Variants in PTPRD observed in about 807,000 individuals in gnomAD.
PTPRD encodes the protein receptor-type tyrosine-protein phosphatase delta.
In PTPRD, 34 loss-of-function variants were observed where a neutral mutation model predicts 214.5. That is an observed-to-expected ratio of 0.16 (90% confidence interval 0.12 to 0.21). The LOEUF (loss-of-function observed/expected upper bound fraction) is 0.21, where lower values mean the gene tolerates loss of function less well. Ranked by LOEUF, PTPRD falls within the 10% of genes least tolerant of loss-of-function variation. The pLI is 1.00. For missense variants in PTPRD, 2,545 were observed against 2,398.7 expected (o/e 1.06, Z -1.27); for synonymous variants, 1,128 against 845.7 (o/e 1.33, Z -5.79).
chr9:8,657,721 C>G (rs545797275), intron 12 of PTPRD, among the ~76,000 whole-genome samples: 49 of 152,154 alleles, frequency 3.2e-4, no homozygotes, highest in Middle Eastern at 3.4e-3. Context: ...TGCCTATGTC[C>G]TGAATGGTAC....
intron 2 of PTPRD, among the ~76,000 whole-genome samples, chr9:10,369,500 C>T (rs1381635971): frequency 2.0e-5 from 3 of 151,826 alleles, no homozygotes; most frequent in Non-Finnish European, 2.9e-5. Flanking sequence ...ATAGCAAGTA[C>T]CTAAACACAA....
intron 2 of PTPRD, among the ~76,000 whole-genome samples, chr9:10,377,803 T>C (rs112505772): frequency 0.019 from 2,965 of 152,178 alleles, 103 homozygotes; most frequent in African/African-American, 0.068. Context: ...CTTTATCCAT[T>C]CATCTACTGA....
At chr9:8,824,054 CA>C (rs2097128990) in intron 11 of PTPRD, among the ~76,000 whole-genome samples, 1 of 152,146 alleles carries the variant, frequency 6.6e-6, no homozygotes, top group South Asian at 2.1e-4. Flanking sequence ...TGAAGACAAC[CA>C]GAGGTCACTC....
chr9:9,894,832 GTC>G (rs1410489915), intron 5 of PTPRD, among the ~76,000 whole-genome samples: 1 of 151,922 alleles, frequency 6.6e-6, no homozygotes, highest in Non-Finnish European at 1.5e-5. Flanking sequence ...TGAATAAAAT[GTC>G]TGTTTTTTTT....
intron 5 of PTPRD, among the ~76,000 whole-genome samples, chr9:9,779,828 A>T (rs1203849151): frequency 6.6e-6 from 1 of 152,206 alleles, no homozygotes; most frequent in Non-Finnish European, 1.5e-5. Flanking sequence ...TAGTTCAGCC[A>T]CTTGGGGAAA....
chr9:9,200,452 CTTG>C (rs2099941215), intron 9 of PTPRD, among the ~76,000 whole-genome samples: 1 of 152,196 alleles, frequency 6.6e-6, no homozygotes, highest in Non-Finnish European at 1.5e-5. Context: ...ACAGTTTACA[CTTG>C]TTGGCTTCAC....
intron 2 of PTPRD, among the ~76,000 whole-genome samples, chr9:10,432,129 C>A (rs2098686113): frequency 6.6e-6 from 1 of 151,802 alleles, no homozygotes; most frequent in Non-Finnish European, 1.5e-5. Flanking sequence ...AGTTCATGTC[C>A]TTTGTAGGGA....
intron 7 of PTPRD, among the ~76,000 whole-genome samples, chr9:9,621,828 T>C (rs1320693161): frequency 6.6e-6 from 1 of 152,180 alleles, no homozygotes; most frequent in Non-Finnish European, 1.5e-5. Flanking sequence ...ACACGGAGTG[T>C]GCTGCCTGTG....
At chr9:10,047,755 G>T (rs953681318) in intron 3 of PTPRD, among the ~76,000 whole-genome samples, 10 of 152,178 alleles carry the variant, frequency 6.6e-5, no homozygotes, top group Admixed American at 5.2e-4. Flanking sequence ...TGAAAAATCA[G>T]GTGGGTGACC....
chr9:9,084,535 C>T (rs547737805), intron 10 of PTPRD, among the ~76,000 whole-genome samples: 2 of 152,076 alleles, frequency 1.3e-5, no homozygotes, highest in African/African-American at 4.8e-5. Flanking sequence ...ACATGTATCC[C>T]AGAATTAAAG....
At chr9:9,691,141 G>A (rs2097263268) in intron 7 of PTPRD, among the ~76,000 whole-genome samples, 1 of 151,692 alleles carries the variant, frequency 6.6e-6, no homozygotes, top group Non-Finnish European at 1.5e-5. Flanking sequence ...TATCCTTTGT[G>A]TTTTAAACAA....
At chr9:8,325,920 G>C (rs935011840) in intron 44 of PTPRD, among the ~76,000 whole-genome samples, 3 of 152,144 alleles carry the variant, frequency 2.0e-5, no homozygotes, top group African/African-American at 4.8e-5. Context: ...CATTGATTTT[G>C]TATCCTGAGA....
chr9:8,959,951 A>G (rs1318201235), intron 11 of PTPRD, among the ~76,000 whole-genome samples: 2 of 152,064 alleles, frequency 1.3e-5, no homozygotes, highest in Non-Finnish European at 2.9e-5. Context: ...CAAGTGTACA[A>G]CATCATCTTT....
At chr9:10,212,362 TATA>T (rs2099521400) in intron 3 of PTPRD, among the ~76,000 whole-genome samples, 1 of 152,154 alleles carries the variant, frequency 6.6e-6, no homozygotes, top group African/African-American at 2.4e-5. Context: ...AAAAGTCTTA[TATA>T]ATAAGTAAAT....
In PTPRD at chr9:8,928,335, G is replaced by A. The variant is rs567632354; in HGVS notation, c.-104+90362C>T. ...TTCTTCTAGGGTTTTTATGGTTTTA[G>A]GTCTAACATTTAAGTCTTTAATCCA... On this transcript the variant is annotated intron_variant, in intron 11 of 45. Transcript: ENST00000381196. 2.3e-4 allele frequency among the ~76,000 whole-genome samples: 35 copies of A among 152,174 alleles called. 1 individual carries two copies. In the South Asian group the frequency reaches 7.3e-3, roughly 32 times the overall value.
At chr9:8,500,558 GAAAAAAAAAAAAAAAAA>G (rs146807692) in intron 24 of PTPRD, among the ~76,000 whole-genome samples, 179 bp downstream of exon 24, 44 of 14,318 alleles carry the variant, frequency 3.1e-3, no homozygotes, top group African/African-American at 0.012. Context: ...TGAAAAAAAT[GAAAAAAAAAAAAAAAAA>G]AAAAAAAAAA....
intron 9 of PTPRD, among the ~76,000 whole-genome samples, chr9:9,253,980 C>T (rs964352518): frequency 1.2e-4 from 19 of 152,116 alleles, no homozygotes; most frequent in African/African-American, 4.1e-4. Flanking sequence ...CCAGTGTCTG[C>T]TTCGGTCTTC....
intron 11 of PTPRD, among the ~76,000 whole-genome samples, chr9:8,862,972 C>T (rs188362232): frequency 6.6e-5 from 10 of 152,256 alleles, no homozygotes; most frequent in Admixed American, 2.0e-4. Flanking sequence ...TGCTAGATGA[C>T]GCGTTAGTGG....
intron 3 of PTPRD, among the ~76,000 whole-genome samples, chr9:10,220,629 A>C (rs1012122299): frequency 3.9e-5 from 6 of 151,908 alleles, no homozygotes; most frequent in African/African-American, 1.4e-4. Flanking sequence ...TACATCTTGC[A>C]CCTGCCTAAG....
Sources: gnomAD v4.1 joint callset for allele counts (sites outside exome capture counted in the v4.1 genomes callset) on GRCh38, gnomAD v4.1.1 for gene constraint, MANE v1.5 for transcripts, NCBI Gene and HGNC (gene_info 2026-07-23, HGNC 2026-07-21) for gene names.